The following LRRFIP1 variants were observed in gnomAD, a reference collection of about 807,000 sequenced individuals.
LRRFIP1 encodes LRR binding FLII interacting protein 1.
A neutral mutation model predicts 104.4 loss-of-function variants in LRRFIP1; 62 were observed. The observed-to-expected ratio is 0.59, with a 90% CI of 0.48 to 0.73. The LOEUF is 0.73. Among genes scored for constraint, LRRFIP1 ranks in the 30% least tolerant of loss-of-function variants. The pLI, the probability that LRRFIP1 is intolerant of heterozygous loss-of-function variation, is 0.00. For synonymous variants in LRRFIP1, 300 were observed against 299.0 expected, an observed-to-expected ratio of 1.00 and a Z score of -0.03; for missense variants, 796 against 824.5, an observed-to-expected ratio of 0.97 and a Z score of 0.42.
At chr2:237,775,120 G>T (rs2060970232) in intron 23 of LRRFIP1, among the ~76,000 whole-genome samples, 1 of 152,256 alleles carries the variant, frequency 6.6e-6, no homozygotes, top group Non-Finnish European at 1.5e-5. Context: ...CTGTGCTCTG[G>T]AAGAGGGAGG....
rs1453544801 is a variant in LRRFIP1, at chr2:237,717,782, A to G, written c.222A>G (p.Thr74=). 2 of 1,613,040 alleles carry G rather than the reference A, an allele frequency of 1.2e-6. No homozygotes were observed. Among genetic ancestry groups the G allele is most frequent in the African/African-American group, 1.3e-5 (1 of 75,040 alleles). Reference sequence around the variant, plus strand: ...TATAGAAATATTATGGGCTGGATACAAAATGGGGTGACATCGAGCAGTGGA... The same window carrying G: ...TATAGAAATATTATGGGCTGGATACGAAATGGGGTGACATCGAGCAGTGGA... The part of the protein sequence containing the change: ...QVQKKYYGLD[T]KWGDIEQWME... The change falls in exon 4 of 24, where the codon ACA becomes ACG. Residue 74 remains threonine, a synonymous_variant. Transcript: ENST00000308482. This position sits in a 1 kb window ranked among gnomAD's most constrained non-coding sequence, Gnocchi z 4.2.
chr2:237,701,740 G>A (rs1390171009), intron 1 of LRRFIP1, among the ~76,000 whole-genome samples: 2 of 152,204 alleles, frequency 1.3e-5, no homozygotes, highest in Non-Finnish European at 2.9e-5. Context: ...AGCCGTTTCT[G>A]CTGTGTGGTT....
chr2:237,759,944 C>T (rs1559815284), intron 18 of LRRFIP1, 120 bp from the exon 19 acceptor site: 2 of 827,016 alleles, frequency 2.4e-6, no homozygotes, highest in African/African-American at 1.7e-5. Context: ...TTTCTCTTGT[C>T]TCTGTGGAGT....
chr2:237,720,989 T>G, intron 6 of LRRFIP1, 167 bp downstream of exon 6: 1 of 635,676 alleles, frequency 1.6e-6, no homozygotes, highest in Non-Finnish European at 2.8e-6. Flanking sequence ...GATGTTTCTT[T>G]GTTGCTGTAG....
chr2:237,722,386 A>T (rs947033645), intron 6 of LRRFIP1, among the ~76,000 whole-genome samples: 2 of 152,216 alleles, frequency 1.3e-5, no homozygotes, highest in African/African-American at 4.8e-5. Flanking sequence ...TCAGATTCTC[A>T]GAGGGTCTCC....
chr2:237,739,617 G>A (rs1038415835), intron 11 of LRRFIP1, among the ~76,000 whole-genome samples: 1 of 152,170 alleles, frequency 6.6e-6, no homozygotes, highest in Non-Finnish European at 1.5e-5. Context: ...AGTGTTACCT[G>A]TGATCAGACC....
chr2:237,775,319 G>T (rs10199724), intron 23 of LRRFIP1, among the ~76,000 whole-genome samples: 4,508 of 152,316 alleles, frequency 0.03, 225 homozygotes, highest in African/African-American at 0.1. Flanking sequence ...CACGTGCAGG[G>T]GAGCTCGGGG....
chr2:237,765,088 C>G (rs1445569764), intron 19 of LRRFIP1: 1 of 505,868 alleles, frequency 2.0e-6, no homozygotes, highest in Non-Finnish European at 2.5e-6. Context: ...ATGGTGAAAC[C>G]CTGTCTCTAC....
intron 19 of LRRFIP1, among the ~76,000 whole-genome samples, chr2:237,762,360 A>T (rs2059960365): frequency 6.6e-6 from 1 of 152,162 alleles, no homozygotes. Context: ...TCCACACAAG[A>T]TGGCACCAGC....
At chr2:237,656,461 T>C (rs2086831635) in intron 1 of LRRFIP1, among the ~76,000 whole-genome samples, 1 of 152,212 alleles carries the variant, frequency 6.6e-6, no homozygotes, top group Non-Finnish European at 1.5e-5. Context: ...CTGAGGAAGG[T>C]AAGTTAACTA....
chr2:237,707,219 G>A (rs2093854256), intron 1 of LRRFIP1, among the ~76,000 whole-genome samples: 1 of 151,616 alleles, frequency 6.6e-6, no homozygotes, highest in African/African-American at 2.4e-5. Context: ...GGACGTCCCT[G>A]TCAGGACCAC....
At chr2:237,728,004 T>C in intron 8 of LRRFIP1, 69 bp downstream of exon 8, 7 of 1,123,286 alleles carry the variant, frequency 6.2e-6, no homozygotes, top group Non-Finnish European at 9.0e-6. Flanking sequence ...AACTAAAAAC[T>C]AATTGCTAAA....
chr2:237,768,771 G>T (rs2060395028), intron 19 of LRRFIP1: 1 of 152,198 alleles, frequency 6.6e-6, no homozygotes, highest in South Asian at 2.1e-4. Context: ...TTAGCATGTG[G>T]CTAGATGATT....
chr2:237,755,181 C>G (rs916365793), intron 15 of LRRFIP1, among the ~76,000 whole-genome samples: 8 of 152,336 alleles, frequency 5.3e-5, no homozygotes, highest in African/African-American at 1.9e-4. Context: ...GGCAGGAACA[C>G]AGCAGAGCCG....
intron 22 of LRRFIP1, 47 bp downstream of exon 22, chr2:237,772,992 T>A (rs1323356131): frequency 6.7e-7 from 1 of 1,486,746 alleles, no homozygotes; most frequent in Non-Finnish European, 9.4e-7. Flanking sequence ...ACTGGAGTTT[T>A]ACTTGCTAGA....
intron 1 of LRRFIP1, among the ~76,000 whole-genome samples, chr2:237,683,034 G>A (rs991650757): frequency 1.3e-5 from 2 of 152,228 alleles, no homozygotes; most frequent in African/African-American, 2.4e-5. Context: ...CCAGCATCTG[G>A]TGGGTGGAGC....
intron 1 of LRRFIP1, among the ~76,000 whole-genome samples, chr2:237,638,206 C>T (rs566557561): frequency 3.9e-5 from 6 of 152,296 alleles, no homozygotes; most frequent in South Asian, 4.1e-4. Context: ...TGCAACTACA[C>T]GGTCCCATCT....
chr2:237,774,522 C>T (rs747146067), intron 23 of LRRFIP1, 60 bp downstream of exon 23: 39 of 1,141,460 alleles, frequency 3.4e-5, no homozygotes, highest in Admixed American at 7.7e-5. Flanking sequence ...CTAGTGGGGA[C>T]GGTACAGAGA....
intron 1 of LRRFIP1, among the ~76,000 whole-genome samples, chr2:237,683,930 A>G (rs2092099990): frequency 6.6e-6 from 1 of 152,178 alleles, no homozygotes. Flanking sequence ...AATTCAGATT[A>G]TGGAGTCCTA....
Sources: allele counts gnomAD v4.1 joint callset (sites outside exome capture counted in the v4.1 genomes callset), GRCh38; gene constraint gnomAD v4.1.1; non-coding constraint Gnocchi (gnomAD v3.1); transcripts MANE v1.5; gene names NCBI Gene and HGNC (gene_info 2026-07-23, HGNC 2026-07-21).